The following DTNBP1 variants were observed in gnomAD, a reference collection of about 807,000 sequenced individuals.
The protein encoded by DTNBP1 is dysbindin.
Under a neutral mutation model 42.8 loss-of-function variants are expected in DTNBP1, and 35 were observed. That is an observed-to-expected ratio of 0.82 (90% CI 0.63 to 1.09). DTNBP1 has a LOEUF of 1.09. Ranked by LOEUF, DTNBP1 falls within the 50% of genes least tolerant of loss-of-function variation. The pLI is 0.00. For synonymous variants in DTNBP1, 171 were observed against 162.2 expected (o/e 1.05, Z -0.41); for missense variants, 457 against 424.2 (o/e 1.08, Z -0.68).
At chr6:15,539,316 A>G (rs886332725) in intron 7 of DTNBP1, among the ~76,000 whole-genome samples, 2 of 152,054 alleles carry the variant, frequency 1.3e-5, no homozygotes, top group African/African-American at 4.8e-5. Context: ...CTCATCCCAC[A>G]TGTGTTTACG....
chr6:15,570,173 GAA>G (rs796243087), intron 7 of DTNBP1, among the ~76,000 whole-genome samples: 2 of 137,724 alleles, frequency 1.5e-5, no homozygotes, highest in African/African-American at 2.7e-5. Flanking sequence ...AAGGTTTACA[GAA>G]AAAAAAAAAA....
intron 3 of DTNBP1, 104 bp downstream of exon 3, chr6:15,651,209 T>A: frequency 9.7e-7 from 1 of 1,035,818 alleles, no homozygotes. Context: ...TGCATTAAGA[T>A]AAAATTTAGC....
chr6:15,621,721 TGCTCTCTGGC>T (rs1223455154), intron 5 of DTNBP1, among the ~76,000 whole-genome samples: 1 of 152,228 alleles, frequency 6.6e-6, no homozygotes, highest in Non-Finnish European at 1.5e-5. Flanking sequence ...AGAGAGCTAC[TGCTCTCTGGC>T]CACAAACTGT....
chr6:15,576,631 T>C (rs1011774879), intron 7 of DTNBP1, among the ~76,000 whole-genome samples: 3 of 151,710 alleles, frequency 2.0e-5, no homozygotes, highest in Non-Finnish European at 4.4e-5. Flanking sequence ...TAGGTAGGCA[T>C]GGAGGTGTGT....
Position 15,554,260 on chromosome 6 carries a change from A to C in DTNBP1, c.512-20865T>G, listed in dbSNP as rs1003539766. 5.9e-5 allele frequency among the ~76,000 whole-genome samples: 9 copies of C among 152,002 alleles called. No individual in the cohort carries two copies. In the East Asian group the frequency reaches 1.2e-3, roughly 20 times the overall value. ...TTTTCTTCTTTTTCTTCTTCTTCTT[A>C]TTATTTGAGATAGAGTCTCACTATG... On this transcript the variant is annotated intron_variant, in intron 7 of 9. Coordinates refer to ENST00000344537, the MANE Select transcript of DTNBP1 (RefSeq NM_032122.5).
intron 6 of DTNBP1, among the ~76,000 whole-genome samples, chr6:15,610,851 T>C (rs575120385): frequency 6.6e-6 from 1 of 152,286 alleles, no homozygotes; most frequent in East Asian, 1.9e-4. Context: ...CTAGCAGAGG[T>C]TGGTTCATGG....
chr6:15,613,333 T>A (rs149915427), intron 6 of DTNBP1, among the ~76,000 whole-genome samples: 101,692 of 101,912 alleles, frequency 1, 50,736 homozygotes, highest in East Asian at 1. Flanking sequence ...AAAAAAAAAA[T>A]GCCCCTTTTT....
chr6:15,526,406 A>G (rs1015777873), intron 8 of DTNBP1, among the ~76,000 whole-genome samples: 5 of 152,264 alleles, frequency 3.3e-5, no homozygotes, highest in Non-Finnish European at 5.9e-5. Flanking sequence ...TTGCGGCTTC[A>G]TCTGGGAGGA....
At chr6:15,523,992 C>G in intron 9 of DTNBP1, 1 of 1,288,070 alleles carries the variant, frequency 7.8e-7, no homozygotes, top group Admixed American at 2.3e-5. Flanking sequence ...AGGTACAGGT[C>G]TGGCACCTCA....
Position 15,522,928 on chromosome 6 carries a change from A to G in DTNBP1, c.*47T>C, listed in dbSNP as rs1357679930. 1 of 1,614,176 alleles carries G rather than the reference A, an allele frequency of 6.2e-7. No homozygotes were observed. The highest frequency in any genetic ancestry group is 1.7e-5 in the Admixed American group (1 of 60,032). On this transcript the variant is annotated 3_prime_UTR_variant, in exon 10 of 10. Transcript: ENST00000344537. ...GCTTTCCAGGTGGAATTCCGCATAC[A>G]GCCAAAACTGGATTCCAGTGTGGCC...
chr6:15,585,679 A>T, intron 7 of DTNBP1: 2 of 1,531,750 alleles, frequency 1.3e-6, no homozygotes, highest in Non-Finnish European at 1.7e-6. Flanking sequence ...ATTTCAAAGG[A>T]AAGCAGCAAA....
chr6:15,660,397 C>T (rs967635550), intron 1 of DTNBP1: 5 of 1,289,534 alleles, frequency 3.9e-6, no homozygotes, highest in Non-Finnish European at 5.1e-6. Flanking sequence ...AGAAAGTGAA[C>T]ATCAGGCACT....
chr6:15,654,217 AAT>A (rs941222569), intron 1 of DTNBP1, among the ~76,000 whole-genome samples: 55 of 152,244 alleles, frequency 3.6e-4, no homozygotes, highest in African/African-American at 1.0e-3. Flanking sequence ...GTAAAAGTCT[AAT>A]ATAAATTTCT....
At chr6:15,636,282 T>C (rs899884972) in intron 4 of DTNBP1, among the ~76,000 whole-genome samples, 1 of 151,556 alleles carries the variant, frequency 6.6e-6, no homozygotes, top group Admixed American at 6.6e-5. Context: ...TCCCGAGTAG[T>C]TGGGATTACA....
intron 1 of DTNBP1, 111 bp downstream of exon 1, chr6:15,662,703 C>T (rs1393546752): frequency 1.1e-5 from 16 of 1,431,052 alleles, no homozygotes; most frequent in Non-Finnish European, 1.4e-5. Flanking sequence ...CGGGGAGGTG[C>T]GGGACAGGAC....
At chr6:15,660,484 C>A in intron 1 of DTNBP1, 1 of 1,289,802 alleles carries the variant, frequency 7.8e-7, no homozygotes, top group Non-Finnish European at 1.0e-6. Flanking sequence ...GCTAATGGCA[C>A]ACACTGACAG....
chr6:15,640,619 A>T (rs1760288434), intron 3 of DTNBP1, among the ~76,000 whole-genome samples: 1 of 152,204 alleles, frequency 6.6e-6, no homozygotes. Flanking sequence ...TAGGAAAGTA[A>T]CTGTAGACTG....
intron 7 of DTNBP1, among the ~76,000 whole-genome samples, chr6:15,551,633 G>A (rs934635875): frequency 2.0e-5 from 3 of 152,046 alleles, no homozygotes; most frequent in Non-Finnish European, 2.9e-5. Context: ...TTTCCTCCAC[G>A]CTCCCACATA....
At chr6:15,620,280 A>G (rs1214342856) in intron 5 of DTNBP1, among the ~76,000 whole-genome samples, 2 of 152,226 alleles carry the variant, frequency 1.3e-5, no homozygotes, top group Non-Finnish European at 2.9e-5. Flanking sequence ...ACTGTATTTA[A>G]GATTTTAAAG....
Sources: allele counts gnomAD v4.1 joint callset (sites outside exome capture counted in the v4.1 genomes callset), GRCh38; gene constraint gnomAD v4.1.1; transcripts MANE v1.5; gene names NCBI Gene and HGNC (gene_info 2026-07-23, HGNC 2026-07-21).